Variants in STAU1 observed in about 807,000 individuals in gnomAD.
The protein encoded by STAU1 is staufen double-stranded RNA binding protein 1.
STAU1 carries 13 observed loss-of-function variants against 62.9 expected under a neutral mutation model. The observed-to-expected ratio is 0.21, with a 90% CI of 0.13 to 0.33. The LOEUF (loss-of-function observed/expected upper bound fraction) is 0.33. Among genes scored for constraint, STAU1 ranks in the 10% least tolerant of loss-of-function variants. The probability of loss-of-function intolerance (pLI) is 1.00; values close to 1 mark genes in which losing one functional copy is unlikely to be tolerated. For synonymous variants in STAU1, 269 were observed against 265.1 expected (o/e 1.01, Z -0.14); for missense variants, 571 against 712.1 (o/e 0.80, Z 2.25).
intron 1 of STAU1, among the ~76,000 whole-genome samples, chr20:49,184,268 T>TA (rs1038898742): frequency 1.3e-5 from 2 of 151,990 alleles, no homozygotes; most frequent in African/African-American, 4.8e-5. Context: ...TGACAAGAGC[T>TA]AAACTCCATC....
chr20:49,204,624 GTGTA>G, the STAU1 span, among the ~76,000 whole-genome samples: 10 of 37,822 alleles, frequency 2.6e-4, no homozygotes, highest in South Asian at 1.1e-3. Flanking sequence ...ATATATATAT[GTGTA>G]TATATATATA....
chr20:49,216,005 C>A, the STAU1 span, among the ~76,000 whole-genome samples: 5 of 16,642 alleles, frequency 3.0e-4, no homozygotes, highest in African/African-American at 9.4e-4. Flanking sequence ...AAGACTATGT[C>A]TCAAAAAAAA....
In STAU1 at chr20:49,114,747, G is replaced by T; in HGVS notation, c.*131C>A. On this transcript the variant is annotated 3_prime_UTR_variant, in exon 14 of 14. Transcript: ENST00000371856. ...TTGTGTTTCTGTTGTCTTCCCTGCT[G>T]CTGCCCACATCCTTTACCCACCGTG... 1.2e-6 allele frequency: 1 copy of T among 849,488 alleles called. No individual in the cohort carries two copies. The highest frequency in any genetic ancestry group is 1.9e-6 in the Non-Finnish European group (1 of 518,428). The allele number at this position is 849,488 out of a possible 1,614,324, so 52.6% of individuals were successfully genotyped here.
chr20:49,212,615 A>ATTTTTTTTTTTTTTTTTTTTTTTTTTT, the STAU1 span, among the ~76,000 whole-genome samples: 11 of 85,172 alleles, frequency 1.3e-4, 1 homozygote, highest in African/African-American at 4.7e-4. Flanking sequence ...AGCTATTGGA[A>ATTTTTTTTTTTTTTTTTTTTTTTTTTT]TTTTTTTTTT....
chr20:49,150,464 C>T (rs892058605), intron 5 of STAU1, among the ~76,000 whole-genome samples: 1 of 152,020 alleles, frequency 6.6e-6, no homozygotes, highest in Non-Finnish European at 1.5e-5. Flanking sequence ...CGGGTTCATG[C>T]CATTCTCCTG....
chr20:49,184,508 T>TA (rs974540537), intron 1 of STAU1, among the ~76,000 whole-genome samples: 21 of 152,132 alleles, frequency 1.4e-4, no homozygotes, highest in African/African-American at 5.1e-4. Context: ...CATGCAGGGA[T>TA]AGGGAGAACG....
At position 49,117,796 on chromosome 20, in the gene STAU1, G is replaced by C; in HGVS notation, c.1490C>G (p.Ser497Cys). 2 of 1,612,376 alleles carry C rather than the reference G, an allele frequency of 1.2e-6. No homozygotes were observed. The highest frequency in any genetic ancestry group is 1.7e-6 in the Non-Finnish European group (2 of 1,179,116). ...AGTTACCTGGAATCCCTGGACTCTG[G>C]AAAGATAGTCCAGTTGCTCAGAGGG... The part of the protein sequence containing the change: ...TRPSEQLDYL[S>C]RVQGFQVEYK... Residue 497 changes from serine (S) to cysteine (C), a missense_variant, in exon 11 of 14, where the codon TCC becomes TGC. This residue lies in a region of STAU1 where 156 missense variants were observed against 194.7 expected (regional missense o/e 0.80). Coordinates refer to ENST00000371856, the MANE Select transcript of STAU1 (RefSeq NM_017453.4). The surrounding 1 kb of genome is among the most constrained non-coding windows in gnomAD (Gnocchi z 4.6).
the STAU1 span, among the ~76,000 whole-genome samples, chr20:49,205,075 A>G: frequency 4.6e-5 from 7 of 152,290 alleles, no homozygotes; most frequent in African/African-American, 9.6e-5. Flanking sequence ...TTAGGTCAAC[A>G]AGATAGCCCC....
intron 2 of STAU1, among the ~76,000 whole-genome samples, chr20:49,168,954 ATTT>A (rs201860565): frequency 1.4e-5 from 2 of 143,716 alleles, no homozygotes; most frequent in Non-Finnish European, 3.1e-5. Context: ...ATAGATGCTA[ATTT>A]TTTTTTTTTT....
chr20:49,115,950 T>A (rs2145805182), intron 12 of STAU1, 83 bp from the exon 13 acceptor site: 1 of 1,184,100 alleles, frequency 8.4e-7, no homozygotes, highest in Non-Finnish European at 1.2e-6. Context: ...GGCAAGAGAG[T>A]TCCTGCTGCC....
chr20:49,135,869 C>T lies in STAU1; in HGVS notation c.573G>A (p.Glu191=), dbSNP rs983726562. The change falls in exon 6 of 14, where the codon GAG becomes GAA. Residue 191 remains glutamate, a synonymous_variant. Coordinates refer to ENST00000371856, the MANE Select transcript of STAU1 (RefSeq NM_017453.4). ...LNKSEISQVF[E]IALKRNLPVN... ...CAGGCAAGTTCCGTTTAAGTGCAATCTCAAACACTTGACTTATTTCAGATT... is the reference window on the plus strand; with the variant it reads ...CAGGCAAGTTCCGTTTAAGTGCAATTTCAAACACTTGACTTATTTCAGATT... The T allele has an allele frequency of 1.2e-6, 2 of 1,613,890 alleles. No homozygotes were observed. The highest frequency in any genetic ancestry group is 2.7e-5 in the African/African-American group (2 of 74,938).
At chr20:49,172,273 T>C (rs1357877399) in intron 2 of STAU1, among the ~76,000 whole-genome samples, 2 of 152,240 alleles carry the variant, frequency 1.3e-5, no homozygotes, top group Non-Finnish European at 2.9e-5. Flanking sequence ...ACAATTTACC[T>C]CTATAGCCTA....
chr20:49,168,782 G>GCAA, intron 2 of STAU1, among the ~76,000 whole-genome samples: 1 of 152,296 alleles, frequency 6.6e-6, no homozygotes, highest in African/African-American at 2.4e-5. Flanking sequence ...CCAGTGTGCA[G>GCAA]AATGGGGAAC....
chr20:49,126,588 C>CAAAAAAAAAACAAAAAAAAACA (rs1555837251), intron 6 of STAU1, among the ~76,000 whole-genome samples: 1 of 56,380 alleles, frequency 1.8e-5, no homozygotes, highest in African/African-American at 6.3e-5. Context: ...AAAAAAAAAA[C>CAAAAAAAAAACAAAAAAAAACA]AAAAAAAAAA....
intron 4 of STAU1, among the ~76,000 whole-genome samples, chr20:49,152,074 T>C (rs1011112052): frequency 1.3e-5 from 2 of 152,224 alleles, no homozygotes; most frequent in African/African-American, 2.4e-5. Flanking sequence ...CTTGGCTTGC[T>C]CTGCCTTCTC....
Position 49,123,192 on chromosome 20 carries a change from C to T in STAU1, c.866G>A (p.Ser289Asn). Residue 289 changes from serine to asparagine, a missense_variant, in exon 8 of 14, where the codon AGC becomes AAC. Ser to Asn is a conservative substitution (Grantham distance 46). Transcript: ENST00000371856. The part of the protein sequence containing the change: ...PEYGQGINPI[S>N]RLAQIQQAKK... The stretch of plus-strand genomic sequence containing the variant: ...TGCCTGCTGGATCTGGGCCAGTCGG[C>T]TAATCGGATTGATCCCCTGGCCATA... 1 of 1,614,130 alleles carries T rather than the reference C, an allele frequency of 6.2e-7. No individual in the cohort carries two copies. Among genetic ancestry groups the T allele is most frequent in the Non-Finnish European group, 8.5e-7 (1 of 1,180,012 alleles).
At chr20:49,184,962 A>T (rs1170948362) in intron 1 of STAU1, among the ~76,000 whole-genome samples, 1 of 152,236 alleles carries the variant, frequency 6.6e-6, no homozygotes, top group Non-Finnish European at 1.5e-5. Flanking sequence ...TATAATATTT[A>T]TAATATTCCT....
chr20:49,193,250 G>A (rs891780074), upstream of STAU1, among the ~76,000 whole-genome samples: 8 of 152,198 alleles, frequency 5.3e-5, no homozygotes, highest in East Asian at 5.8e-4. Flanking sequence ...GGTGGCAGGC[G>A]CCTGTAATCC....
chr20:49,173,275 C>T (rs183328406), intron 2 of STAU1, among the ~76,000 whole-genome samples: 2,047 of 151,772 alleles, frequency 0.013, 55 homozygotes, highest in African/African-American at 0.047. Flanking sequence ...CTGACCAACA[C>T]GGTGAAACCC....
Sources: allele counts gnomAD v4.1 joint callset (sites outside exome capture counted in the v4.1 genomes callset), GRCh38; gene constraint gnomAD v4.1.1; regional missense constraint gnomAD v4.1.1; non-coding constraint Gnocchi (gnomAD v3.1); transcripts MANE v1.5; gene names NCBI Gene and HGNC (gene_info 2026-07-23, HGNC 2026-07-21).